ASIC2: variants seen among roughly 807,000 people sequenced by gnomAD.
ASIC2 encodes the protein acid-sensing ion channel 2.
ASIC2 carries 25 observed loss-of-function variants against 57.3 expected under a neutral mutation model. The ratio of observed to expected loss-of-function variants is 0.44; its 90% CI spans 0.32 to 0.61. The LOEUF (loss-of-function observed/expected upper bound fraction) is 0.61, where lower values mean the gene tolerates loss of function less well. Ranked by LOEUF, ASIC2 falls within the 20% of genes least tolerant of loss-of-function variation. The pLI, the probability that ASIC2 is intolerant of heterozygous loss-of-function variation, is 0.06. For missense variants in ASIC2, 641 were observed against 738.1 expected, an observed-to-expected ratio of 0.87 and a Z score of 1.52; for synonymous variants, 319 against 307.5, an observed-to-expected ratio of 1.04 and a Z score of -0.39.
chr17:33,627,783 T>G (rs905720615), intron 1 of ASIC2, among the ~76,000 whole-genome samples: 13 of 152,204 alleles, frequency 8.5e-5, no homozygotes, highest in African/African-American at 3.1e-4. Context: ...GGAGCAGAGA[T>G]AAGCTGTTCA....
chr17:33,782,010 T>G (rs937417544), intron 1 of ASIC2, among the ~76,000 whole-genome samples: 1 of 152,182 alleles, frequency 6.6e-6, no homozygotes, highest in African/African-American at 2.4e-5. Context: ...TCTGGCCTCT[T>G]GCAATGCATT....
At chr17:33,923,713 A>G (rs1460893352) in intron 1 of ASIC2, among the ~76,000 whole-genome samples, 3 of 152,196 alleles carry the variant, frequency 2.0e-5, no homozygotes, top group African/African-American at 7.2e-5. Context: ...GGAACTCTGG[A>G]AAGTGTTTGA....
At chr17:33,250,564 A>G (rs1908847370) in intron 1 of ASIC2, among the ~76,000 whole-genome samples, 1 of 152,258 alleles carries the variant, frequency 6.6e-6, no homozygotes. Flanking sequence ...GTTCTCGGGC[A>G]AGTCACTGCT....
chr17:33,104,700 T>C (rs546924342), intron 2 of ASIC2, among the ~76,000 whole-genome samples: 4 of 152,320 alleles, frequency 2.6e-5, no homozygotes, highest in Admixed American at 2.6e-4. Flanking sequence ...CCATTCTCTC[T>C]TCAGAGATGC....
chr17:33,431,299 T>C (rs577563204), intron 1 of ASIC2, among the ~76,000 whole-genome samples: 3 of 152,082 alleles, frequency 2.0e-5, no homozygotes, highest in East Asian at 3.9e-4. Flanking sequence ...TTGAGTACAA[T>C]AGGGATGATA....
At chr17:33,305,342 A>T (rs1201287814) in intron 1 of ASIC2, among the ~76,000 whole-genome samples, 2 of 152,230 alleles carry the variant, frequency 1.3e-5, no homozygotes, top group East Asian at 3.9e-4. Context: ...TGGTTTAAGC[A>T]TGAGTGAGCC....
intron 1 of ASIC2, among the ~76,000 whole-genome samples, chr17:34,116,085 C>T (rs1468117434): frequency 6.6e-6 from 1 of 152,146 alleles, no homozygotes; most frequent in East Asian, 1.9e-4. Flanking sequence ...AGAGTATAGA[C>T]AACTCTTGAC....
At chr17:33,246,843 C>T (rs757636731) in intron 1 of ASIC2, among the ~76,000 whole-genome samples, 8 of 152,184 alleles carry the variant, frequency 5.3e-5, no homozygotes, top group Non-Finnish European at 1.0e-4. Flanking sequence ...CACAGTGAGT[C>T]GGTGGTTGCC....
chr17:33,647,869 T>C (rs954431718), intron 1 of ASIC2, among the ~76,000 whole-genome samples: 3 of 152,196 alleles, frequency 2.0e-5, no homozygotes, highest in African/African-American at 7.2e-5. Flanking sequence ...ACTGCTTTTA[T>C]TGAGGTGCCC....
chr17:33,173,240 T>C (rs1905597680), intron 1 of ASIC2, among the ~76,000 whole-genome samples: 1 of 152,126 alleles, frequency 6.6e-6, no homozygotes, highest in African/African-American at 2.4e-5. Flanking sequence ...GACTCCTTAT[T>C]CCTTTTTCCT....
intron 1 of ASIC2, among the ~76,000 whole-genome samples, chr17:33,507,201 G>A (rs556033379): frequency 1.1e-3 from 160 of 152,258 alleles, no homozygotes; most frequent in African/African-American, 3.8e-3. Context: ...GCTGCCTCAT[G>A]ACAGGCAGGA....
At chr17:33,995,556 A>T (rs1419004843) in intron 1 of ASIC2, among the ~76,000 whole-genome samples, 2 of 152,150 alleles carry the variant, frequency 1.3e-5, no homozygotes, top group African/African-American at 2.4e-5. Context: ...ACTGATGAAG[A>T]AAAATTGTAT....
intron 1 of ASIC2, among the ~76,000 whole-genome samples, chr17:33,227,095 G>A (rs1163382603): frequency 1.3e-5 from 2 of 152,090 alleles, no homozygotes; most frequent in African/African-American, 4.8e-5. Context: ...CACAGTTGAA[G>A]TATTCAGTAG....
intron 1 of ASIC2, chr17:34,002,935 G>C (rs1906392363): frequency 6.6e-6 from 1 of 152,120 alleles, no homozygotes; most frequent in African/African-American, 2.4e-5. Flanking sequence ...GCCAAAAGTA[G>C]TGTCTGACTC....
chr17:33,199,961 GC>G (rs1906790776), intron 1 of ASIC2, among the ~76,000 whole-genome samples: 1 of 152,082 alleles, frequency 6.6e-6, no homozygotes, highest in African/African-American at 2.4e-5. Context: ...GCCTCACCGT[GC>G]CCCCTTGCTG....
rs1287519805 is a variant in ASIC2 at position 34,156,556 on chromosome 17, C to A, written c.-24G>T. ...ATCGGGACCCCGTGCAGTTCCGCAA[C>A]TGGCTTCAGGTTGATCGAATTTCAG... On this transcript the variant is annotated 5_prime_UTR_variant, in exon 1 of 10. Transcript: ENST00000359872. This position sits in a 1 kb window ranked among gnomAD's most constrained non-coding sequence, Gnocchi z 4.4. 6.4e-7 allele frequency: 1 copy of A among 1,562,226 alleles called. No individual in the cohort carries two copies. Among genetic ancestry groups the A allele is most frequent in the Non-Finnish European group, 8.7e-7 (1 of 1,150,090 alleles).
At chr17:34,015,384 A>G (rs1182154740) in intron 1 of ASIC2, among the ~76,000 whole-genome samples, 1 of 152,164 alleles carries the variant, frequency 6.6e-6, no homozygotes, top group African/African-American at 2.4e-5. Context: ...TCCACAGGAA[A>G]TGCAAGGCTC....
At chr17:33,326,663 G>A (rs948174510) in intron 1 of ASIC2, among the ~76,000 whole-genome samples, 2 of 152,264 alleles carry the variant, frequency 1.3e-5, no homozygotes, top group East Asian at 3.9e-4. Flanking sequence ...CCCAGAGCTG[G>A]GGAGGGCCTG....
At chr17:33,766,631 T>G (rs554044279) in intron 1 of ASIC2, among the ~76,000 whole-genome samples, 6 of 152,250 alleles carry the variant, frequency 3.9e-5, no homozygotes, top group African/African-American at 1.4e-4. Context: ...AATGTGGGAT[T>G]ATTATTATTA....
Sources: gnomAD v4.1 joint callset for allele counts (sites outside exome capture counted in the v4.1 genomes callset) on GRCh38, gnomAD v4.1.1 for gene constraint, Gnocchi (gnomAD v3.1) non-coding constraint, MANE v1.5 for transcripts, NCBI Gene and HGNC (gene_info 2026-07-23, HGNC 2026-07-21) for gene names.